Variants in LRRC28 observed in about 807,000 individuals in gnomAD.
LRRC28 encodes the protein leucine rich repeat containing 28.
Under a neutral mutation model 45.7 loss-of-function variants are expected in LRRC28, and 39 were observed. The observed-to-expected ratio is 0.85, with a 90% CI of 0.66 to 1.12. LRRC28 has a LOEUF of 1.12. Among genes scored for constraint, LRRC28 ranks in the 50% most tolerant of loss-of-function variants. The probability of loss-of-function intolerance (pLI) is 0.00; values close to 1 mark genes in which losing one functional copy is unlikely to be tolerated. For synonymous variants in LRRC28, 206 were observed against 178.8 expected, an observed-to-expected ratio of 1.15 and a Z score of -1.22; for missense variants, 435 against 438.5, an observed-to-expected ratio of 0.99 and a Z score of 0.07.
intron 9 of LRRC28, among the ~76,000 whole-genome samples, chr15:99,384,966 T>C (rs373494744): frequency 6.6e-6 from 1 of 152,072 alleles, no homozygotes; most frequent in Admixed American, 6.5e-5. Flanking sequence ...TTGGGCAGGG[T>C]GGAGAGCACC....
intron 6 of LRRC28, among the ~76,000 whole-genome samples, chr15:99,351,305 G>A (rs970397615): frequency 1.3e-5 from 2 of 152,116 alleles, no homozygotes; most frequent in African/African-American, 4.8e-5. Context: ...TGTACTTGCC[G>A]GGAATCTCCA....
chr15:99,333,274 A>G (rs1226511247), intron 5 of LRRC28, among the ~76,000 whole-genome samples: 1 of 152,234 alleles, frequency 6.6e-6, no homozygotes, highest in Admixed American at 6.5e-5. Context: ...TTTGGAGTAA[A>G]TGGAAGTATT....
chr15:99,255,433 A>G (rs916097656), intron 1 of LRRC28, among the ~76,000 whole-genome samples: 4 of 152,130 alleles, frequency 2.6e-5, no homozygotes, highest in Non-Finnish European at 4.4e-5. Context: ...TTTATATATT[A>G]GGAAGTGAAG....
intron 2 of LRRC28, among the ~76,000 whole-genome samples, chr15:99,256,809 A>C (rs28655202): frequency 0.021 from 3,189 of 152,366 alleles, 102 homozygotes; most frequent in African/African-American, 0.072. Flanking sequence ...TTTCAAGAGA[A>C]TGTCCAAATC....
chr15:99,358,773 T>C (rs1214574736), intron 7 of LRRC28, among the ~76,000 whole-genome samples: 2 of 151,878 alleles, frequency 1.3e-5, no homozygotes, highest in Non-Finnish European at 2.9e-5. Flanking sequence ...GTAAGACAAA[T>C]AGATAAAACA....
At chr15:99,343,377 A>G (rs904796658) in intron 6 of LRRC28, among the ~76,000 whole-genome samples, 2 of 152,182 alleles carry the variant, frequency 1.3e-5, no homozygotes, top group African/African-American at 4.8e-5. Flanking sequence ...TAGCCTGAAT[A>G]CACAGGAGCT....
chr15:99,302,029 A>ATT (rs66480151), intron 5 of LRRC28, among the ~76,000 whole-genome samples: 53 of 143,934 alleles, frequency 3.7e-4, no homozygotes, highest in African/African-American at 6.2e-4. Flanking sequence ...TGAGTTAATA[A>ATT]TTTTTTTTTT....
At position 99,336,589 on chromosome 15, in the gene LRRC28, A is replaced by C. The variant is rs192486675; in HGVS notation, c.592+2460A>C. On this transcript the variant is annotated intron_variant, in intron 6 of 9. Transcript: ENST00000301981. ...CCTCATTCAATCTCTCTCTCTATTC[A>C]CTTAGCAAGATTACCTGCTAGAGGC... 2.0e-5 allele frequency among the ~76,000 whole-genome samples: 3 copies of C among 152,080 alleles called. No individual in the cohort carries two copies. The East Asian group carries it at 5.8e-4, about 29-fold the overall frequency.
At chr15:99,371,305 CA>C (rs1957478379) in intron 9 of LRRC28, among the ~76,000 whole-genome samples, 1 of 152,126 alleles carries the variant, frequency 6.6e-6, no homozygotes, top group East Asian at 1.9e-4. Context: ...CTTTCAAGCT[CA>C]GATTTACATA....
intron 2 of LRRC28, among the ~76,000 whole-genome samples, chr15:99,268,971 G>A (rs1233438407): frequency 6.6e-6 from 1 of 152,110 alleles, no homozygotes; most frequent in African/African-American, 2.4e-5. Context: ...AGGCATTTCA[G>A]CAATTTTTAA....
chr15:99,252,363 C>T (rs77139689), intron 1 of LRRC28, among the ~76,000 whole-genome samples: 13,813 of 152,244 alleles, frequency 0.091, 670 homozygotes, highest in African/African-American at 0.13. Flanking sequence ...TAGATTTTAT[C>T]TCCCAAACAG....
chr15:99,285,538 C>T, intron 3 of LRRC28: 1 of 1,073,026 alleles, frequency 9.3e-7, no homozygotes. Context: ...GAAGAGCTTC[C>T]TCAGCTGTTC....
chr15:99,259,375 G>T (rs1184162297), intron 2 of LRRC28: 2 of 1,554,276 alleles, frequency 1.3e-6, no homozygotes, highest in Non-Finnish European at 1.8e-6. Flanking sequence ...ATGGGAAGAG[G>T]TTCCAGAATG....
chr15:99,299,187 T>C (rs1224559612), intron 5 of LRRC28, among the ~76,000 whole-genome samples: 1 of 152,238 alleles, frequency 6.6e-6, no homozygotes, highest in Non-Finnish European at 1.5e-5. Context: ...AACCAAACTT[T>C]GGCAAAGTAT....
chr15:99,376,143 G>T (rs142459422), intron 9 of LRRC28, among the ~76,000 whole-genome samples: 237 of 152,062 alleles, frequency 1.6e-3, no homozygotes, highest in African/African-American at 5.6e-3. Flanking sequence ...CAAAATCTTT[G>T]ATTTTTGAAT....
rs1333066047 is a variant in LRRC28 at position 99,387,866 on chromosome 15, A to C, written c.*1764A>C. 6.6e-6 allele frequency: 1 copy of C among 152,316 alleles called. No homozygotes were observed. Among genetic ancestry groups the C allele is most frequent in the East Asian group, 1.9e-4 (1 of 5,192 alleles). The allele number at this position is 152,316 out of a possible 1,614,324, so 9.4% of individuals were successfully genotyped here. A position where few individuals can be genotyped will look rare whatever the true frequency, so the allele number is the denominator to read the frequency against. On this transcript the variant is annotated 3_prime_UTR_variant, in exon 10 of 10. Coordinates refer to ENST00000301981, the MANE Select transcript of LRRC28 (RefSeq NM_144598.5). ...TGCTACGCTCTTAACAGTGCCAAAA[A>C]TCCTACATAGTTACTGACAAATGTG...
At chr15:99,277,652 C>T (rs925785335) in intron 3 of LRRC28, among the ~76,000 whole-genome samples, 4 of 152,122 alleles carry the variant, frequency 2.6e-5, no homozygotes, top group Non-Finnish European at 1.5e-5. Context: ...TTGATTTAAA[C>T]ATTTTTTGTG....
Position 99,259,504 on chromosome 15 carries a change from G to A in LRRC28, c.168+3379G>A, listed in dbSNP as rs1384980894. ...TGAAAGATAAAGCCATTAAGGACAA[G>A]ATTGAAAAGGCTATGGTATCTCAGT... is the stretch of plus-strand genomic sequence containing the variant. On this transcript the variant is annotated intron_variant, in intron 2 of 9. Transcript: ENST00000301981. 7 of 1,161,916 alleles carry A rather than the reference G, an allele frequency of 6.0e-6. No individual in the cohort carries two copies. The East Asian group carries it at 1.4e-4, about 23-fold the overall frequency. The allele number at this position is 1,161,916 out of a possible 1,614,324, so 72.0% of individuals were successfully genotyped here. A position where few individuals can be genotyped will look rare whatever the true frequency, so the allele number is the denominator to read the frequency against.
chr15:99,286,500 C>T (rs909538568), intron 3 of LRRC28, among the ~76,000 whole-genome samples: 1 of 152,200 alleles, frequency 6.6e-6, no homozygotes, highest in African/African-American at 2.4e-5. Flanking sequence ...TCTCTTGTCT[C>T]TAAATCAATG....
Sources: gnomAD v4.1 joint callset for allele counts (sites outside exome capture counted in the v4.1 genomes callset) on GRCh38, gnomAD v4.1.1 for gene constraint, MANE v1.5 for transcripts, NCBI Gene and HGNC (gene_info 2026-07-23, HGNC 2026-07-21) for gene names.